The following NEK7 variants were observed in gnomAD, a reference collection of about 807,000 sequenced individuals.
The protein encoded by NEK7 is NIMA related kinase 7.
In NEK7, 18 loss-of-function variants were observed where a neutral mutation model predicts 44.6. That is an observed-to-expected ratio of 0.40 (90% CI 0.28 to 0.60). The LOEUF is 0.60. NEK7 is among the 20% of genes least tolerant of loss of function. NEK7 has a pLI of 0.38. For missense variants in NEK7, 256 were observed against 366.5 expected (o/e 0.70, Z 2.46); for synonymous variants, 130 against 121.1 (o/e 1.07, Z -0.48).
chr1:198,240,920 C>G (rs1558072966), intron 2 of NEK7, among the ~76,000 whole-genome samples: 1 of 152,164 alleles, frequency 6.6e-6, no homozygotes, highest in Non-Finnish European at 1.5e-5. Context: ...GTCTTGAACT[C>G]CTAACCTTGT....
At chr1:198,183,622 A>G (rs568050868) in intron 1 of NEK7, among the ~76,000 whole-genome samples, 150 of 152,302 alleles carry the variant, frequency 9.8e-4, no homozygotes, top group African/African-American at 3.3e-3. Flanking sequence ...GATACAACAA[A>G]TGTTCAAATT....
intron 9 of NEK7, among the ~76,000 whole-genome samples, chr1:198,306,710 TA>T (rs1374764867): frequency 6.6e-6 from 1 of 152,158 alleles, no homozygotes; most frequent in Non-Finnish European, 1.5e-5. Context: ...TTCACATTTT[TA>T]AACCAAATTA....
chr1:198,228,171 T>G (rs990859357), intron 1 of NEK7, among the ~76,000 whole-genome samples: 4 of 152,184 alleles, frequency 2.6e-5, no homozygotes, highest in African/African-American at 9.7e-5. Flanking sequence ...AAAGATCAGA[T>G]GGTTGTAGAT....
intron 1 of NEK7, among the ~76,000 whole-genome samples, chr1:198,195,922 ATAAG>A (rs2102778477): frequency 6.6e-6 from 1 of 152,328 alleles, no homozygotes; most frequent in East Asian, 1.9e-4. Context: ...TTTAAGGAAG[ATAAG>A]TAATTTTCTT....
intron 3 of NEK7, among the ~76,000 whole-genome samples, chr1:198,257,594 A>G (rs1245432364): frequency 6.6e-6 from 1 of 152,154 alleles, no homozygotes; most frequent in East Asian, 1.9e-4. Flanking sequence ...ATCTCTATAG[A>G]CTTCCTTTCA....
intron 1 of NEK7, among the ~76,000 whole-genome samples, chr1:198,199,996 T>C (rs1485076856): frequency 6.6e-6 from 1 of 152,214 alleles, no homozygotes; most frequent in Non-Finnish European, 1.5e-5. Context: ...TTTTGCCTCC[T>C]TTCTTGCTCT....
At chr1:198,298,990 T>A (rs1185572890) in intron 9 of NEK7, among the ~76,000 whole-genome samples, 1 of 152,218 alleles carries the variant, frequency 6.6e-6, no homozygotes, top group African/African-American at 2.4e-5. Flanking sequence ...AATATCAAAG[T>A]CTGGCCCAGA....
chr1:198,198,060 G>T, intron 1 of NEK7: 2 of 1,463,618 alleles, frequency 1.4e-6, no homozygotes, highest in Admixed American at 2.4e-5. Context: ...CCTGGGAGAG[G>T]AAGAAAGGGG....
intron 1 of NEK7, among the ~76,000 whole-genome samples, chr1:198,226,972 C>T (rs1384366948): frequency 6.6e-6 from 1 of 152,090 alleles, no homozygotes; most frequent in Non-Finnish European, 1.5e-5. Context: ...CACCCATTAA[C>T]TTGTCATTTA....
chr1:198,192,046 A>G (rs1665094326), intron 1 of NEK7, among the ~76,000 whole-genome samples: 2 of 152,196 alleles, frequency 1.3e-5, no homozygotes, highest in South Asian at 4.1e-4. Context: ...AAGGGTTTTC[A>G]AAAATTTCTT....
intron 5 of NEK7, among the ~76,000 whole-genome samples, chr1:198,271,924 TAC>T (rs59463396): frequency 3.5e-4 from 47 of 134,540 alleles, no homozygotes; most frequent in Non-Finnish European, 4.9e-4. Context: ...TATATATATA[TAC>T]ACACACACAC....
At chr1:198,317,103 G>T (rs772606777) in intron 9 of NEK7, among the ~76,000 whole-genome samples, 11 of 152,178 alleles carry the variant, frequency 7.2e-5, no homozygotes, top group Non-Finnish European at 8.8e-5. Context: ...GTTATCAACA[G>T]ATTGATTCAT....
At chr1:198,176,137 TTTAG>T (rs1664597680) in intron 1 of NEK7, among the ~76,000 whole-genome samples, 1 of 152,198 alleles carries the variant, frequency 6.6e-6, no homozygotes, top group Non-Finnish European at 1.5e-5. Context: ...TCTAACTGTG[TTTAG>T]TTATTCAACA....
At chr1:198,217,856 A>C (rs1032169058) in intron 1 of NEK7, among the ~76,000 whole-genome samples, 1 of 148,784 alleles carries the variant, frequency 6.7e-6, no homozygotes, top group Non-Finnish European at 1.5e-5. Context: ...AAAAAAAAAA[A>C]GCCCCAAGCC....
At chr1:198,199,283 G>A (rs1260662878) in intron 1 of NEK7, among the ~76,000 whole-genome samples, 1 of 152,190 alleles carries the variant, frequency 6.6e-6, no homozygotes, top group Non-Finnish European at 1.5e-5. Flanking sequence ...TCAGGAAGTG[G>A]TGTAGACCTT....
chr1:198,241,468 C>T (rs1185831823), intron 2 of NEK7, among the ~76,000 whole-genome samples: 1 of 152,064 alleles, frequency 6.6e-6, no homozygotes. Flanking sequence ...AGGGGAGTAC[C>T]TGGAATTAAT....
chr1:198,297,059 T>C (rs1051559770), intron 8 of NEK7, 68 bp from the exon 9 acceptor site: 1 of 1,003,378 alleles, frequency 1.0e-6, no homozygotes, highest in Non-Finnish European at 1.6e-6. Flanking sequence ...CCCCGTATAA[T>C]ATACTTGATG....
chr1:198,186,225 G>A (rs1257917825), intron 1 of NEK7, among the ~76,000 whole-genome samples: 1 of 152,068 alleles, frequency 6.6e-6, no homozygotes, highest in East Asian at 1.9e-4. Flanking sequence ...CTTATTTTCT[G>A]TTTAGCAATG....
chr1:198,210,963 G>T (rs1381868340), intron 1 of NEK7, among the ~76,000 whole-genome samples: 1 of 151,210 alleles, frequency 6.6e-6, no homozygotes, highest in African/African-American at 2.4e-5. Context: ...CGTTTTAGCC[G>T]GGATGGTCTC....
Sources: gnomAD v4.1 joint callset for allele counts (sites outside exome capture counted in the v4.1 genomes callset) on GRCh38, gnomAD v4.1.1 for gene constraint, MANE v1.5 for transcripts, NCBI Gene and HGNC (gene_info 2026-07-23, HGNC 2026-07-21) for gene names.